Variants in AFDN observed in about 807,000 individuals in gnomAD.
AFDN encodes afadin.
Under a neutral mutation model 216.6 loss-of-function variants are expected in AFDN, and 68 were observed. The observed-to-expected ratio is 0.31, with a 90% CI of 0.26 to 0.38. The LOEUF (loss-of-function observed/expected upper bound fraction) is 0.38, where lower values mean the gene tolerates loss of function less well. Among genes scored for constraint, AFDN ranks in the 10% least tolerant of loss-of-function variants. The pLI is 1.00. For synonymous variants in AFDN, 868 were observed against 853.7 expected (o/e 1.02, Z -0.29); for missense variants, 2,136 against 2,342.0 (o/e 0.91, Z 1.82).
chr6:167,911,058 C>G (rs940220083), intron 13 of AFDN, 43 bp from the exon 14 acceptor site: 3 of 1,536,322 alleles, frequency 2.0e-6, no homozygotes, highest in Middle Eastern at 1.7e-4. Context: ...ATATTGTTAG[C>G]CATGTGACCT....
At chr6:167,849,164 C>T (rs1047827213) in intron 1 of AFDN, among the ~76,000 whole-genome samples, 10 of 152,024 alleles carry the variant, frequency 6.6e-5, no homozygotes, top group South Asian at 4.1e-4. Flanking sequence ...GAGTAGATAA[C>T]GCATAAAAAG....
intron 5 of AFDN, among the ~76,000 whole-genome samples, chr6:167,879,973 A>T (rs979872329): frequency 6.6e-6 from 1 of 152,222 alleles, no homozygotes; most frequent in Non-Finnish European, 1.5e-5. Flanking sequence ...ATAGGTATAT[A>T]ATAATATATA....
At chr6:167,954,489 A>T in intron 30 of AFDN, 2 of 1,597,396 alleles carry the variant, frequency 1.3e-6, no homozygotes, top group Non-Finnish European at 1.7e-6. Context: ...TCTGTTCTAG[A>T]TTTGGTATGT....
intron 21 of AFDN, 115 bp downstream of exon 21, chr6:167,919,048 C>A: frequency 2.4e-6 from 2 of 846,864 alleles, no homozygotes; most frequent in Non-Finnish European, 3.8e-6. Context: ...CTCGTGCTGT[C>A]TGGAGAAGTC....
intron 1 of AFDN, among the ~76,000 whole-genome samples, chr6:167,843,263 G>C (rs954831085): frequency 1.3e-5 from 2 of 152,152 alleles, no homozygotes; most frequent in Non-Finnish European, 2.9e-5. Context: ...GAGGACTCCA[G>C]ACTGCTAAAA....
chr6:167,866,975 A>G (rs533539182), intron 2 of AFDN, among the ~76,000 whole-genome samples: 1 of 152,338 alleles, frequency 6.6e-6, no homozygotes, highest in East Asian at 1.9e-4. Context: ...TATATAGTCC[A>G]AGTCTTTGTG....
rs997013189 is a variant in AFDN at position 167,963,832 on chromosome 6, C to T, written c.4968+1265C>T. Reference sequence around the variant, plus strand: ...AAATCAGATTTACAAAATGCTGAGCCGCTTGATGTCTAAGTGTTGGTGGTT... The same window carrying T: ...AAATCAGATTTACAAAATGCTGAGCTGCTTGATGTCTAAGTGTTGGTGGTT... On this transcript the variant is annotated intron_variant, in intron 31 of 33. Transcript: ENST00000683244. The T allele has an allele frequency of 1.1e-5, 12 of 1,063,494 alleles. No individual in the cohort carries two copies. In the East Asian group the frequency reaches 1.5e-4, roughly 13 times the overall value. The allele number at this position is 1,063,494 out of a possible 1,614,324, so 65.9% of individuals were successfully genotyped here.
Position 167,965,910 on chromosome 6 carries a change from C to G in AFDN, c.5122C>G (p.Pro1708Ala). Residue 1708 changes from proline (P) to alanine (A), a missense_variant, in exon 32 of 34, where the codon CCC (proline) becomes GCC (alanine). By Grantham distance (27) the Pro-to-Ala change is conservative. Transcript: ENST00000683244. ...CGAGCCCCCGTCCCCGTCCCCCGCG[C>G]CCGGCGCCCCTCCTCCCCCGCCTCA... ...DYEPPSPSPA[P>A]GAPPPPPQRN... 2 of 1,549,876 alleles carry G rather than the reference C, an allele frequency of 1.3e-6. No individual in the cohort carries two copies. The highest frequency in any genetic ancestry group is 1.7e-6 in the Non-Finnish European group (2 of 1,146,670).
intron 2 of AFDN, among the ~76,000 whole-genome samples, chr6:167,867,557 G>A (rs1784324730): frequency 6.6e-6 from 1 of 151,632 alleles, no homozygotes; most frequent in African/African-American, 2.4e-5. Context: ...AGCCTCCTGA[G>A]TAGCTGGGAT....
intron 1 of AFDN, chr6:167,828,082 A>T (rs1270201635): frequency 6.6e-6 from 1 of 152,234 alleles, no homozygotes; most frequent in African/African-American, 2.4e-5. Flanking sequence ...TCGCTCCGCA[A>T]GGGTCGGTTC....
At chr6:167,925,197 G>A (rs986182595) in intron 23 of AFDN, 106 bp downstream of exon 23, 2 of 786,310 alleles carry the variant, frequency 2.5e-6, no homozygotes, top group Non-Finnish European at 2.2e-6. Context: ...TGTGTATAAC[G>A]TGCCTGTTCA....
intron 23 of AFDN, among the ~76,000 whole-genome samples, chr6:167,931,441 G>T (rs1322029350): frequency 2.0e-5 from 3 of 152,116 alleles, no homozygotes; most frequent in African/African-American, 7.2e-5. Flanking sequence ...ATAAAATTTG[G>T]ATGTCAGCAT....
At chr6:167,928,279 C>T (rs1373720694) in intron 23 of AFDN, among the ~76,000 whole-genome samples, 1 of 152,258 alleles carries the variant, frequency 6.6e-6, no homozygotes, top group Non-Finnish European at 1.5e-5. Context: ...TTCTCACCCT[C>T]TGCTGGGTGG....
At chr6:167,828,533 C>T (rs980696456) in intron 1 of AFDN, among the ~76,000 whole-genome samples, 12 of 152,162 alleles carry the variant, frequency 7.9e-5, no homozygotes, top group Admixed American at 3.3e-4. Flanking sequence ...TTAAGTTACT[C>T]CTGATTCATT....
chr6:167,950,570 G>C (rs746906882), intron 29 of AFDN, among the ~76,000 whole-genome samples: 1 of 152,192 alleles, frequency 6.6e-6, no homozygotes, highest in East Asian at 1.9e-4. Flanking sequence ...ACTGTGCACA[G>C]CTCTGTCAGC....
intron 23 of AFDN, among the ~76,000 whole-genome samples, chr6:167,941,900 T>A (rs199625771): frequency 1.3e-5 from 2 of 152,206 alleles, no homozygotes; most frequent in East Asian, 3.8e-4. Flanking sequence ...TGTAGAACTT[T>A]TATAAACTTA....
At chr6:167,955,242 G>A (rs1796378591) in intron 30 of AFDN, among the ~76,000 whole-genome samples, 1 of 152,058 alleles carries the variant, frequency 6.6e-6, no homozygotes, top group Non-Finnish European at 1.5e-5. Context: ...TTTAAAACCT[G>A]TGAATCAAGG....
intron 1 of AFDN, among the ~76,000 whole-genome samples, chr6:167,856,035 G>A (rs1295832191): frequency 1.3e-5 from 2 of 152,098 alleles, no homozygotes; most frequent in Non-Finnish European, 2.9e-5. Flanking sequence ...GAAACCTCTG[G>A]CTGTCCAGCT....
intron 8 of AFDN, among the ~76,000 whole-genome samples, chr6:167,892,322 T>G (rs1412159837): frequency 6.6e-6 from 1 of 152,230 alleles, no homozygotes; most frequent in Non-Finnish European, 1.5e-5. Flanking sequence ...TATTGTTGTG[T>G]GTCTATAATG....
Sources: allele counts gnomAD v4.1 joint callset (sites outside exome capture counted in the v4.1 genomes callset), GRCh38; gene constraint gnomAD v4.1.1; transcripts MANE v1.5; gene names NCBI Gene and HGNC (gene_info 2026-07-23, HGNC 2026-07-21).